The following PPFIBP2 variants were observed in gnomAD, a reference collection of about 807,000 sequenced individuals.
The protein encoded by PPFIBP2 is PPFIB scaffold protein 2.
Under a neutral mutation model 118.3 loss-of-function variants are expected in PPFIBP2, and 118 were observed. The ratio of observed to expected loss-of-function variants is 1.00; its 90% CI spans 0.86 to 1.16. The LOEUF (loss-of-function observed/expected upper bound fraction) is 1.16, where lower values mean the gene tolerates loss of function less well. Among genes scored for constraint, PPFIBP2 ranks in the 50% most tolerant of loss-of-function variants. The pLI is 0.00. For synonymous variants in PPFIBP2, 414 were observed against 397.4 expected (o/e 1.04, Z -0.50); for missense variants, 1,195 against 1,073.1 (o/e 1.11, Z -1.59).
intron 3 of PPFIBP2, among the ~76,000 whole-genome samples, chr11:7,590,383 A>G (rs1326538490): frequency 6.6e-6 from 1 of 151,996 alleles, no homozygotes; most frequent in Non-Finnish European, 1.5e-5. Context: ...GAGAACGGTG[A>G]TTTTGAAGGA....
intron 3 of PPFIBP2, among the ~76,000 whole-genome samples, chr11:7,566,030 T>C (rs1051547671): frequency 1.6e-5 from 2 of 123,038 alleles, no homozygotes; most frequent in African/African-American, 8.1e-5. Context: ...AGGGCAAACA[T>C]TTAAGATTTC....
intron 3 of PPFIBP2, among the ~76,000 whole-genome samples, chr11:7,582,759 C>T (rs934410844): frequency 9.9e-5 from 15 of 151,822 alleles, no homozygotes; most frequent in Non-Finnish European, 1.3e-4. Context: ...AGTCTCTTCA[C>T]CCTCCCTCCC....
At chr11:7,554,093 C>T (rs1737858051) in intron 2 of PPFIBP2, among the ~76,000 whole-genome samples, 1 of 152,170 alleles carries the variant, frequency 6.6e-6, no homozygotes, top group South Asian at 2.1e-4. Flanking sequence ...TTTAAATCTT[C>T]CTCTCTTTAT....
chr11:7,626,889 T>C (rs747472743), intron 8 of PPFIBP2, among the ~76,000 whole-genome samples: 56 of 152,206 alleles, frequency 3.7e-4, no homozygotes, highest in Admixed American at 5.9e-4. Flanking sequence ...CATGCAACAA[T>C]GGCTTAGGCT....
chr11:7,663,523 G>A, the PPFIBP2 span, among the ~76,000 whole-genome samples: 717 of 152,278 alleles, frequency 4.7e-3, 5 homozygotes, highest in African/African-American at 0.016. Context: ...CTGCAGCTGC[G>A]AGCTGGGAGA....
intron 1 of PPFIBP2, among the ~76,000 whole-genome samples, chr11:7,515,609 A>C (rs920558160): frequency 3.3e-5 from 5 of 152,232 alleles, no homozygotes; most frequent in African/African-American, 1.2e-4. Flanking sequence ...CTGTGTGGGC[A>C]GGCAGGCATG....
intron 8 of PPFIBP2, 95 bp downstream of exon 8, chr11:7,625,986 T>C: frequency 9.8e-7 from 1 of 1,016,196 alleles, no homozygotes; most frequent in Admixed American, 2.2e-5. Context: ...TGTGCATATG[T>C]GCTTGTGTGT....
chr11:7,654,402 C>T (rs1329255196), downstream of PPFIBP2, among the ~76,000 whole-genome samples: 1 of 152,228 alleles, frequency 6.6e-6, no homozygotes, highest in Non-Finnish European at 1.5e-5. Flanking sequence ...CCCTGGGCCT[C>T]ATCGCAGAAG....
At chr11:7,579,697 T>C (rs1856974160) in intron 3 of PPFIBP2, among the ~76,000 whole-genome samples, 1 of 152,190 alleles carries the variant, frequency 6.6e-6, no homozygotes, top group African/African-American at 2.4e-5. Context: ...AAGGCCCTTC[T>C]TGTCCCAAGA....
downstream of PPFIBP2, among the ~76,000 whole-genome samples, chr11:7,658,306 CCCA>C (rs957584527): frequency 2.6e-5 from 3 of 115,468 alleles, no homozygotes; most frequent in Admixed American, 2.9e-4. Flanking sequence ...CTCCCCCCAC[CCCA>C]CAACAGTCCC....
intron 6 of PPFIBP2, among the ~76,000 whole-genome samples, chr11:7,612,663 TG>T (rs1470671617): frequency 6.6e-6 from 1 of 152,210 alleles, no homozygotes; most frequent in Non-Finnish European, 1.5e-5. Context: ...AGACCCTGAG[TG>T]TCTGGCCTCA....
chr11:7,556,707 T>G (rs1564969243), intron 2 of PPFIBP2, among the ~76,000 whole-genome samples: 1 of 152,250 alleles, frequency 6.6e-6, no homozygotes, highest in Non-Finnish European at 1.5e-5. Flanking sequence ...AGTCGTCATT[T>G]GAAAAATGTC....
At chr11:7,542,909 A>G (rs1004913384) in intron 1 of PPFIBP2, among the ~76,000 whole-genome samples, 7 of 152,270 alleles carry the variant, frequency 4.6e-5, no homozygotes, top group Non-Finnish European at 2.9e-5. Context: ...GCCCAAAACA[A>G]TGAAATTGAT....
At chr11:7,659,911 T>C (rs1854855156), downstream of PPFIBP2, among the ~76,000 whole-genome samples, 1 of 122,594 alleles carries the variant, frequency 8.2e-6, no homozygotes, top group East Asian at 2.0e-4. Flanking sequence ...TTTGAAGCAA[T>C]TGTGAATGGG....
chr11:7,628,607 A>G (rs1467741290), intron 9 of PPFIBP2, among the ~76,000 whole-genome samples: 2 of 152,184 alleles, frequency 1.3e-5, no homozygotes, highest in East Asian at 1.9e-4. Context: ...GTGGGGGGAA[A>G]AAAATACTGC....
At chr11:7,580,185 CCTCT>C (rs1327058419) in intron 3 of PPFIBP2, among the ~76,000 whole-genome samples, 1 of 152,146 alleles carries the variant, frequency 6.6e-6, no homozygotes, top group East Asian at 1.9e-4. Context: ...ATGACCACCT[CCTCT>C]CTAACTCTCA....
chr11:7,591,858 G>T (rs1263701939), intron 3 of PPFIBP2, among the ~76,000 whole-genome samples: 1 of 152,236 alleles, frequency 6.6e-6, no homozygotes, highest in Non-Finnish European at 1.5e-5. Context: ...ACTGGGCATG[G>T]CTCTGTTGCC....
chr11:7,648,392 CCAATG>C lies in PPFIBP2; in HGVS notation c.1654_1658del (p.Asn552ProfsTer51), dbSNP rs1853441773. 6.2e-7 allele frequency: 1 copy of C among 1,611,202 alleles called. No individual in the cohort carries two copies. The highest frequency in any genetic ancestry group is 1.3e-5 in the African/African-American group (1 of 74,876). ...GCTGTTTTCCTGCTTCCCAGTGACG[CCAATG>C]CCCCCTTTGCCCAGTGGAGCACAGA... On this transcript the variant is annotated frameshift_variant, in exon 18 of 24. Coordinates refer to ENST00000299492, the MANE Select transcript of PPFIBP2 (RefSeq NM_003621.5). LOFTEE classifies it high-confidence loss of function.
Position 7,653,513 on chromosome 11 carries a change from A to G in PPFIBP2, c.*295A>G. ...ATGTTCATCTTCAGCACCAGTGGAA[A>G]CACATGAACTTCGATGCAGGTCCAG... On this transcript the variant is annotated 3_prime_UTR_variant, in exon 24 of 24. Transcript: ENST00000299492. The G allele has an allele frequency of 7.3e-7, 1 of 1,371,668 alleles. No homozygotes were observed. Among genetic ancestry groups the G allele is most frequent in the South Asian group, 1.2e-5 (1 of 81,720 alleles). The allele number at this position is 1,371,668 out of a possible 1,614,324, so 85.0% of individuals were successfully genotyped here. A position where few individuals can be genotyped will look rare whatever the true frequency, so the allele number is the denominator to read the frequency against.
Sources: gnomAD v4.1 joint callset for allele counts (sites outside exome capture counted in the v4.1 genomes callset) on GRCh38, gnomAD v4.1.1 for gene constraint, MANE v1.5 for transcripts, NCBI Gene and HGNC (gene_info 2026-07-23, HGNC 2026-07-21) for gene names.